The following PARN variants were observed in gnomAD, a reference collection of about 807,000 sequenced individuals.
PARN encodes poly(A)-specific ribonuclease PARN.
PARN carries 71 observed loss-of-function variants against 102.8 expected under a neutral mutation model. That is an observed-to-expected ratio of 0.69 (90% confidence interval 0.57 to 0.84). The LOEUF (loss-of-function observed/expected upper bound fraction) is 0.84, where lower values mean the gene tolerates loss of function less well. Among genes scored for constraint, PARN ranks in the 40% least tolerant of loss-of-function variants. The pLI, the probability that PARN is intolerant of heterozygous loss-of-function variation, is 0.00. For missense variants in PARN, 782 were observed against 760.9 expected (o/e 1.03, Z -0.33); for synonymous variants, 261 against 252.9 (o/e 1.03, Z -0.30).
intron 18 of PARN, among the ~76,000 whole-genome samples, chr16:14,564,044 G>C (rs1968271805): frequency 6.6e-6 from 1 of 152,054 alleles, no homozygotes; most frequent in African/African-American, 2.4e-5. Flanking sequence ...TGGCCACCAT[G>C]GAGGCCGACC....
At chr16:14,595,022 G>A (rs1225603115) in intron 12 of PARN, among the ~76,000 whole-genome samples, 1 of 152,100 alleles carries the variant, frequency 6.6e-6, no homozygotes, top group Non-Finnish European at 1.5e-5. Context: ...CCACACTGAA[G>A]GTTAAGAAGA....
chr16:14,451,843 TAAAAAAAAAAAAAAAAAAAAAAATACA>T lies in PARN; in HGVS notation c.1671-4789_1671-4763del, dbSNP rs775004003. On this transcript the variant is annotated intron_variant, in intron 22 of 23. Coordinates refer to ENST00000437198, the MANE Select transcript of PARN (RefSeq NM_002582.4). ...GGGCAATGTGGAGAAACCCCGTCTC[TAAAAAAAAAAAAAAAAAAAAAAATACA>T]AAAAAAAAAAAAAAAAAAAAAATAC... Among the ~76,000 whole-genome samples the T allele has an allele frequency of 3.0e-3, 166 of 54,598 alleles. 2 individuals are homozygous for T. Among genetic ancestry groups the T allele is most frequent in the South Asian group, 4.5e-3 (7 of 1,572 alleles). The allele number at this position is 54,598 out of a possible 152,430, so 35.8% of individuals were successfully genotyped here. A position where few individuals can be genotyped will look rare whatever the true frequency, so the allele number is the denominator to read the frequency against.
At chr16:14,491,189 C>G (rs1964039745) in intron 21 of PARN, among the ~76,000 whole-genome samples, 1 of 150,946 alleles carries the variant, frequency 6.6e-6, no homozygotes, top group Admixed American at 6.6e-5. Flanking sequence ...CCATCCTTAC[C>G]CTGCTGACAT....
chr16:14,456,965 G>A (rs1961709804), intron 22 of PARN, among the ~76,000 whole-genome samples: 1 of 152,230 alleles, frequency 6.6e-6, no homozygotes, highest in East Asian at 1.9e-4. Context: ...TCACTAGAAT[G>A]TACGTTCCAT....
intron 18 of PARN, among the ~76,000 whole-genome samples, chr16:14,560,813 T>C (rs961503847): frequency 6.6e-6 from 1 of 152,190 alleles, no homozygotes; most frequent in African/African-American, 2.4e-5. Context: ...CCATTACCCA[T>C]GTGCTGGGTG....
At chr16:14,491,819 T>A (rs1964072577) in intron 21 of PARN, among the ~76,000 whole-genome samples, 1 of 152,072 alleles carries the variant, frequency 6.6e-6, no homozygotes, top group Non-Finnish European at 1.5e-5. Flanking sequence ...AATGAATGAA[T>A]AAAAAACAGC....
At chr16:14,628,370 C>A in intron 2 of PARN, 119 bp from the exon 3 acceptor site, 1 of 622,036 alleles carries the variant, frequency 1.6e-6, no homozygotes. Flanking sequence ...TGGAAGCACT[C>A]CCTAACTTAC....
intron 21 of PARN, among the ~76,000 whole-genome samples, chr16:14,526,638 C>T (rs1038494672): frequency 5.9e-5 from 9 of 152,156 alleles, no homozygotes; most frequent in African/African-American, 1.9e-4. Flanking sequence ...AGGGTGTAAT[C>T]CACAATAAGG....
chr16:14,618,297 C>T (rs2151809954), intron 5 of PARN, among the ~76,000 whole-genome samples: 1 of 152,118 alleles, frequency 6.6e-6, no homozygotes, highest in Non-Finnish European at 1.5e-5. Context: ...ACCATCCTGG[C>T]TAACATGGTC....
chr16:14,622,814 A>T (rs1972400893), intron 5 of PARN, among the ~76,000 whole-genome samples: 1 of 152,100 alleles, frequency 6.6e-6, no homozygotes, highest in South Asian at 2.1e-4. Context: ...CCCATTTTTT[A>T]CAATGTAAGC....
intron 21 of PARN, among the ~76,000 whole-genome samples, chr16:14,507,640 G>C (rs908813343): frequency 6.6e-6 from 1 of 151,864 alleles, no homozygotes; most frequent in African/African-American, 2.4e-5. Flanking sequence ...AGTGAGCCAA[G>C]ATTGCACCAC....
chr16:14,581,858 G>A (rs538412460), intron 17 of PARN, among the ~76,000 whole-genome samples: 1 of 152,164 alleles, frequency 6.6e-6, no homozygotes, highest in South Asian at 2.1e-4. Context: ...AGCTATGATT[G>A]AACCACTGTA....
intron 21 of PARN, among the ~76,000 whole-genome samples, chr16:14,490,930 A>G (rs1236269566): frequency 6.6e-6 from 1 of 152,166 alleles, no homozygotes; most frequent in Non-Finnish European, 1.5e-5. Flanking sequence ...GAAAGATATT[A>G]AAAATCAAGG....
chr16:14,600,544 C>T (rs79071716), intron 11 of PARN, among the ~76,000 whole-genome samples: 1,677 of 152,198 alleles, frequency 0.011, 32 homozygotes, highest in African/African-American at 0.038. Flanking sequence ...CTACTTGTCT[C>T]ATCAAAGCTA....
chr16:14,489,748 G>A (rs934108634), intron 21 of PARN, among the ~76,000 whole-genome samples: 1 of 152,234 alleles, frequency 6.6e-6, no homozygotes, highest in Admixed American at 6.5e-5. Flanking sequence ...GGTGGGGAGA[G>A]TGTACTAGGA....
intron 11 of PARN, among the ~76,000 whole-genome samples, chr16:14,602,714 T>C (rs116325735): frequency 0.044 from 6,651 of 152,190 alleles, 158 homozygotes; most frequent in African/African-American, 0.054. Flanking sequence ...GGAGCTGCTA[T>C]GAGGCCAGCT....
rs1279081018 is a variant in PARN at position 14,627,133 on chromosome 16, G to C, written c.300C>G (p.Ser100=). 2 of 1,603,492 alleles carry C rather than the reference G, an allele frequency of 1.2e-6. No individual in the cohort carries two copies. Among genetic ancestry groups the C allele is most frequent in the Non-Finnish European group, 8.5e-7 (1 of 1,171,516 alleles). Residue 100 remains serine, a synonymous_variant, in exon 5 of 24, where the codon TCC becomes TCG. Transcript: ENST00000437198. The part of the protein sequence containing the change: ...FYVFPKPFNR[S]SPDVKFVCQS... ...GACAAACAAATTTGACATCTGGTGAGGATCTATTGAAGGGTTTCGGGAAAA... is the reference window on the plus strand; with the variant it reads ...GACAAACAAATTTGACATCTGGTGACGATCTATTGAAGGGTTTCGGGAAAA...
chr16:14,604,355 G>A (rs1971062059), intron 10 of PARN, 129 bp from the exon 11 acceptor site: 2 of 618,140 alleles, frequency 3.2e-6, no homozygotes, highest in South Asian at 4.0e-5. Context: ...CCGCCTCCTG[G>A]GTTCAAGCGA....
chr16:14,574,621 G>A (rs992128160), intron 18 of PARN, among the ~76,000 whole-genome samples: 3 of 152,104 alleles, frequency 2.0e-5, no homozygotes, highest in African/African-American at 7.2e-5. Flanking sequence ...GCTGAGGCAG[G>A]AGAATCACTT....
Sources: gnomAD v4.1 joint callset for allele counts (sites outside exome capture counted in the v4.1 genomes callset) on GRCh38, gnomAD v4.1.1 for gene constraint, MANE v1.5 for transcripts, NCBI Gene and HGNC (gene_info 2026-07-23, HGNC 2026-07-21) for gene names.